The following ASB3 variants were observed in gnomAD, a reference collection of about 807,000 sequenced individuals.
ASB3 encodes the protein ankyrin repeat and SOCS box containing 3.
Under a neutral mutation model 54.5 loss-of-function variants are expected in ASB3, and 41 were observed. The ratio of observed to expected loss-of-function variants is 0.75; its 90% confidence interval spans 0.59 to 0.98. The LOEUF (loss-of-function observed/expected upper bound fraction) is 0.98, where lower values mean the gene tolerates loss of function less well. Ranked by LOEUF, ASB3 falls within the 50% of genes least tolerant of loss-of-function variation. ASB3 has a pLI of 0.00. For synonymous variants in ASB3, 266 were observed against 221.2 expected (o/e 1.20, Z -1.80); for missense variants, 733 against 620.0 (o/e 1.18, Z -1.94).
rs1674166009 is a variant in ASB3, at chr2:53,774,239, C to T, written c.-13-8654G>A. 6.2e-6 allele frequency: 10 copies of T among 1,614,124 alleles called. No homozygotes were observed. Among genetic ancestry groups the T allele is most frequent in the South Asian group, 1.1e-5 (1 of 91,084 alleles). The stretch of plus-strand genomic sequence containing the variant: ...AGAGAAAAAGGAGGCTACAGAACCA[C>T]AACAGTCATTTTTTATCCAAAAGAT... On this transcript the variant is annotated intron_variant, in intron 1 of 9. Coordinates refer to ENST00000263634, the MANE Select transcript of ASB3 (RefSeq NM_016115.5).
intron 9 of ASB3, among the ~76,000 whole-genome samples, chr2:53,680,958 C>T (rs920628929): frequency 6.6e-6 from 1 of 152,060 alleles, no homozygotes; most frequent in Non-Finnish European, 1.5e-5. Flanking sequence ...TTTTTAGCTC[C>T]GTAAAAAAGT....
intron 5 of ASB3, among the ~76,000 whole-genome samples, chr2:53,720,733 C>T (rs1670658458): frequency 6.6e-6 from 1 of 152,028 alleles, no homozygotes; most frequent in Non-Finnish European, 1.5e-5. Flanking sequence ...ACCAATTGGA[C>T]CTAATACACA....
At position 53,714,426 on chromosome 2, in the gene ASB3, A is replaced by C. The variant is rs1312986514; in HGVS notation, c.938T>G (p.Val313Gly). Residue 313 changes from valine (V) to glycine (G), a missense_variant, in exon 7 of 10, where the codon GTT (valine) becomes GGT (glycine). Physicochemically the swap from Val to Gly is moderately radical, Grantham distance 109 (BLOSUM62 -3). Transcript: ENST00000263634. The stretch of plus-strand genomic sequence containing the variant: ...GCACACAGGAGAACTGAATCCAAAA[A>C]CAAGGCACGCCTGGGCGTCTGGGCT... Reference protein sequence around the residue: ...GYSPDAQACLVFGFSSPVCMA... With the variant: ...GYSPDAQACLGFGFSSPVCMA... 1 of 1,614,128 alleles carries C rather than the reference A, an allele frequency of 6.2e-7. No individual in the cohort carries two copies. The highest frequency in any genetic ancestry group is 8.5e-7 in the Non-Finnish European group (1 of 1,180,024).
intron 3 of ASB3, among the ~76,000 whole-genome samples, chr2:53,749,561 A>C (rs1672407559): frequency 6.6e-6 from 1 of 152,146 alleles, no homozygotes; most frequent in South Asian, 2.1e-4. Flanking sequence ...TATCCAACTG[A>C]TAAATGGATA....
intron 9 of ASB3, among the ~76,000 whole-genome samples, chr2:53,673,209 C>T (rs1667909542): frequency 6.6e-6 from 1 of 152,284 alleles, no homozygotes; most frequent in South Asian, 2.1e-4. Context: ...TAGAGTTTAA[C>T]AGGCATCTGT....
intron 9 of ASB3, among the ~76,000 whole-genome samples, chr2:53,684,399 A>C (rs972743482): frequency 1.3e-5 from 2 of 152,196 alleles, no homozygotes; most frequent in African/African-American, 4.8e-5. Flanking sequence ...TGCTTTTACT[A>C]TTCCTGATAG....
At chr2:53,718,279 G>A (rs72793666) in intron 5 of ASB3, among the ~76,000 whole-genome samples, 37,122 of 151,784 alleles carry the variant, frequency 0.24, 4,529 homozygotes, top group Middle Eastern at 0.3. Context: ...GGCAGCTAGA[G>A]AAAAACGTCA....
At chr2:53,759,090 G>C (rs1021852248) in intron 2 of ASB3, among the ~76,000 whole-genome samples, 13 of 152,194 alleles carry the variant, frequency 8.5e-5, no homozygotes, top group African/African-American at 3.1e-4. Flanking sequence ...TGCAGCCAGA[G>C]AGTTTGGCAA....
At chr2:53,765,306 T>G in intron 2 of ASB3, 71 bp downstream of exon 2, 6 of 1,583,956 alleles carry the variant, frequency 3.8e-6, no homozygotes, top group Non-Finnish European at 5.2e-6. Context: ...TAATAAGTTA[T>G]GTATTATACT....
At position 53,737,987 on chromosome 2, in the gene ASB3, A is replaced by T. The variant is rs1255675018; in HGVS notation, c.356-8417T>A. On this transcript the variant is annotated intron_variant, in intron 3 of 9. Transcript: ENST00000263634. ...CAAGAAATAGATAAATCCACAGCAG[A>T]ATAACAACACAGTAATTAGGACAGA... Among the ~76,000 whole-genome samples the T allele has an allele frequency of 2.6e-5, 4 of 152,354 alleles. No individual in the cohort carries two copies. In the East Asian group the frequency reaches 7.7e-4, roughly 29 times the overall value.
intron 9 of ASB3, among the ~76,000 whole-genome samples, chr2:53,684,496 G>A (rs1394016293): frequency 6.6e-6 from 1 of 152,178 alleles, no homozygotes; most frequent in Non-Finnish European, 1.5e-5. Context: ...TGATTCTCAT[G>A]GTTCTCACTG....
At chr2:53,724,560 C>A (rs1670888057) in intron 5 of ASB3, among the ~76,000 whole-genome samples, 1 of 151,210 alleles carries the variant, frequency 6.6e-6, no homozygotes, top group Admixed American at 6.6e-5. Flanking sequence ...GATAGTGCCA[C>A]TGTACGCCAT....
At chr2:53,678,150 T>C (rs1235224524) in intron 9 of ASB3, among the ~76,000 whole-genome samples, 1 of 152,072 alleles carries the variant, frequency 6.6e-6, no homozygotes, top group Non-Finnish European at 1.5e-5. Context: ...GGTGTGTGTG[T>C]GTGTGTGTGC....
chr2:53,742,885 A>G (rs1247277073), intron 3 of ASB3, among the ~76,000 whole-genome samples: 2 of 152,242 alleles, frequency 1.3e-5, no homozygotes, highest in Non-Finnish European at 2.9e-5. Context: ...ATTTAAAGAT[A>G]TAATTCCAGA....
At chr2:53,713,173 C>T (rs1212569024) in intron 7 of ASB3, among the ~76,000 whole-genome samples, 1 of 152,210 alleles carries the variant, frequency 6.6e-6, no homozygotes, top group Non-Finnish European at 1.5e-5. Context: ...TCTACTAAAA[C>T]GTGTAAGCTT....
intron 1 of ASB3, among the ~76,000 whole-genome samples, chr2:53,773,398 G>C (rs1573017810): frequency 6.6e-6 from 1 of 151,210 alleles, no homozygotes; most frequent in Admixed American, 6.6e-5. Flanking sequence ...GTTCTTCTGT[G>C]CACTTTAAGT....
chr2:53,780,346 A>G (rs927026693), intron 1 of ASB3, among the ~76,000 whole-genome samples: 12 of 152,114 alleles, frequency 7.9e-5, no homozygotes, highest in African/African-American at 2.9e-4. Context: ...GAGCGAACTA[A>G]TGTTATGTGG....
At chr2:53,730,305 CTG>C (rs1309208983) in intron 3 of ASB3, among the ~76,000 whole-genome samples, 1 of 152,082 alleles carries the variant, frequency 6.6e-6, no homozygotes, top group Non-Finnish European at 1.5e-5. Flanking sequence ...ATTAGGTATA[CTG>C]TGAATGTTGT....
At chr2:53,673,369 G>A (rs1280240998) in intron 9 of ASB3, among the ~76,000 whole-genome samples, 1 of 152,120 alleles carries the variant, frequency 6.6e-6, no homozygotes, top group Non-Finnish European at 1.5e-5. Context: ...TTCTCAGAGT[G>A]GACAGACTAC....
Sources: gnomAD v4.1 joint callset for allele counts (sites outside exome capture counted in the v4.1 genomes callset) on GRCh38, gnomAD v4.1.1 for gene constraint, MANE v1.5 for transcripts, NCBI Gene and HGNC (gene_info 2026-07-23, HGNC 2026-07-21) for gene names.